The following TENM4 variants were observed in gnomAD, a reference collection of about 807,000 sequenced individuals.
The protein encoded by TENM4 is teneurin-4.
TENM4 carries 82 observed loss-of-function variants against 243.3 expected under a neutral mutation model. The ratio of observed to expected loss-of-function variants is 0.34; its 90% CI spans 0.28 to 0.40. The LOEUF is 0.40. TENM4 is among the 10% of genes least tolerant of loss of function. The pLI, the probability that TENM4 is intolerant of heterozygous loss-of-function variation, is 1.00. For synonymous variants in TENM4, 1,412 were observed against 1,456.3 expected, an observed-to-expected ratio of 0.97 and a Z score of 0.69; for missense variants, 3,138 against 3,673.3, an observed-to-expected ratio of 0.85 and a Z score of 3.77.
intron 26 of TENM4, among the ~76,000 whole-genome samples, chr11:78,708,965 C>CTTTTTTTTT (rs1188328355): frequency 1.5e-5 from 2 of 132,820 alleles, no homozygotes; most frequent in African/African-American, 7.2e-5. Flanking sequence ...CTTTCTTTTT[C>CTTTTTTTTT]TTTCTTTTTT....
intron 12 of TENM4, among the ~76,000 whole-genome samples, chr11:78,845,687 A>T (rs905997857): frequency 1.3e-5 from 2 of 152,134 alleles, no homozygotes; most frequent in African/African-American, 4.8e-5. Flanking sequence ...TAATATCACT[A>T]TGTGAGAACC....
intron 10 of TENM4, among the ~76,000 whole-genome samples, chr11:78,862,624 C>G (rs1441455341): frequency 1.3e-5 from 2 of 152,154 alleles, no homozygotes; most frequent in African/African-American, 4.8e-5. Flanking sequence ...GCCCAACTGT[C>G]CCATGAGGTT....
At chr11:78,936,794 AACG>A (rs977919459) in intron 6 of TENM4, among the ~76,000 whole-genome samples, 2 of 152,212 alleles carry the variant, frequency 1.3e-5, no homozygotes, top group Non-Finnish European at 2.9e-5. Flanking sequence ...TACTATTGCT[AACG>A]ACAAGGTAGT....
At chr11:79,433,271 T>C (rs1859205330) in intron 1 of TENM4, among the ~76,000 whole-genome samples, 3 of 152,178 alleles carry the variant, frequency 2.0e-5, no homozygotes. Context: ...TGCAGATTCT[T>C]GGGCCCCTCC....
At chr11:79,327,976 C>T (rs1857001062) in intron 1 of TENM4, among the ~76,000 whole-genome samples, 3 of 152,132 alleles carry the variant, frequency 2.0e-5, no homozygotes, top group Non-Finnish European at 4.4e-5. Context: ...TGATCAAGTC[C>T]CTTCTGCCAC....
intron 1 of TENM4, among the ~76,000 whole-genome samples, chr11:79,414,738 G>C (rs1233456621): frequency 6.6e-6 from 1 of 152,156 alleles, no homozygotes; most frequent in Non-Finnish European, 1.5e-5. Context: ...AAATGGATCT[G>C]AAACACAGAT....
chr11:79,197,353 TAAA>T (rs199979988), intron 3 of TENM4, among the ~76,000 whole-genome samples: 4,357 of 151,192 alleles, frequency 0.029, 89 homozygotes, highest in Non-Finnish European at 0.04. Context: ...TTTTTTTTTT[TAAA>T]AAGCCCCTGC....
At chr11:79,075,671 A>C (rs1159946653) in intron 4 of TENM4, among the ~76,000 whole-genome samples, 3 of 152,242 alleles carry the variant, frequency 2.0e-5, no homozygotes, top group African/African-American at 7.2e-5. Flanking sequence ...CAGGCTAAAC[A>C]AAGAGGCTCC....
intron 6 of TENM4, among the ~76,000 whole-genome samples, chr11:79,049,165 G>A (rs1214340483): frequency 6.6e-6 from 1 of 152,110 alleles, no homozygotes; most frequent in Non-Finnish European, 1.5e-5. Flanking sequence ...GCAGCACACA[G>A]ACAGTCACTG....
chr11:78,747,518 C>A (rs1029936993), intron 19 of TENM4, among the ~76,000 whole-genome samples: 3 of 152,156 alleles, frequency 2.0e-5, no homozygotes, highest in Non-Finnish European at 4.4e-5. Context: ...GCGTTAGACC[C>A]ACAGGGTGGA....
At chr11:79,409,114 G>GCACGCACA (rs1858642004) in intron 1 of TENM4, among the ~76,000 whole-genome samples, 1 of 143,606 alleles carries the variant, frequency 7.0e-6, no homozygotes, top group African/African-American at 2.7e-5. Flanking sequence ...GCGCGCGCGC[G>GCACGCACA]TGCGTGCACG....
intron 2 of TENM4, among the ~76,000 whole-genome samples, chr11:79,293,127 G>A (rs1016233493): frequency 6.7e-6 from 1 of 148,206 alleles, no homozygotes; most frequent in Admixed American, 6.7e-5. Context: ...TAGCCACTGT[G>A]TGCTACATGC....
chr11:78,971,170 T>C (rs1857539260), intron 6 of TENM4, among the ~76,000 whole-genome samples: 1 of 152,116 alleles, frequency 6.6e-6, no homozygotes, highest in Admixed American at 6.5e-5. Flanking sequence ...ATCATAGGTG[T>C]GAGCCAAGTT....
At chr11:79,079,873 T>G (rs577630249) in intron 4 of TENM4, among the ~76,000 whole-genome samples, 13 of 150,894 alleles carry the variant, frequency 8.6e-5, no homozygotes, top group African/African-American at 3.2e-4. Flanking sequence ...GTGTTCGGAT[T>G]GAAAACAACA....
chr11:79,378,844 A>G (rs11237814), intron 1 of TENM4, among the ~76,000 whole-genome samples: 2 of 150,352 alleles, frequency 1.3e-5, no homozygotes, highest in African/African-American at 2.5e-5. Flanking sequence ...GATTGCACCA[A>G]TGCACTCCAG....
chr11:79,009,118 T>G (rs1426535588), intron 6 of TENM4, among the ~76,000 whole-genome samples: 1 of 152,214 alleles, frequency 6.6e-6, no homozygotes, highest in Non-Finnish European at 1.5e-5. Context: ...TCTGCCATAT[T>G]TGTTACAAAA....
At chr11:79,060,314 T>C (rs1860054786) in intron 6 of TENM4, among the ~76,000 whole-genome samples, 1 of 152,180 alleles carries the variant, frequency 6.6e-6, no homozygotes, top group Non-Finnish European at 1.5e-5. Flanking sequence ...CTGTATTTAT[T>C]TTAGATATTA....
chr11:79,153,744 G>C (rs948156380), intron 3 of TENM4, among the ~76,000 whole-genome samples: 1 of 152,128 alleles, frequency 6.6e-6, no homozygotes, highest in Admixed American at 6.5e-5. Context: ...ACCATGCAAG[G>C]TTCCCCTGAC....
chr11:79,396,995 G>A (rs567095447), intron 1 of TENM4, among the ~76,000 whole-genome samples: 1 of 152,308 alleles, frequency 6.6e-6, no homozygotes, highest in East Asian at 1.9e-4. Context: ...TGAGCACTGT[G>A]TCAAGGGGGC....
Sources: allele counts gnomAD v4.1 joint callset (sites outside exome capture counted in the v4.1 genomes callset), GRCh38; gene constraint gnomAD v4.1.1; transcripts MANE v1.5; gene names NCBI Gene and HGNC (gene_info 2026-07-23, HGNC 2026-07-21).